Variants in NRG3 observed in about 807,000 individuals in gnomAD.
NRG3 encodes pro-neuregulin-3, membrane-bound isoform.
Under a neutral mutation model 66.9 loss-of-function variants are expected in NRG3, and 31 were observed. The observed-to-expected ratio is 0.46, with a 90% CI of 0.35 to 0.63. The LOEUF (loss-of-function observed/expected upper bound fraction) is 0.63. Among genes scored for constraint, NRG3 ranks in the 20% least tolerant of loss-of-function variants. NRG3 has a pLI of 0.00. For synonymous variants in NRG3, 393 were observed against 359.4 expected (o/e 1.09, Z -1.06); for missense variants, 910 against 878.9 (o/e 1.04, Z -0.45).
intron 1 of NRG3, among the ~76,000 whole-genome samples, chr10:82,241,059 A>T (rs1237641618): frequency 6.6e-6 from 1 of 152,174 alleles, no homozygotes; most frequent in African/African-American, 2.4e-5. Flanking sequence ...GGGAGAAAAT[A>T]AGAAACCTGC....
intron 1 of NRG3, among the ~76,000 whole-genome samples, chr10:81,966,418 G>T (rs1355445274): frequency 6.6e-6 from 1 of 151,658 alleles, no homozygotes; most frequent in African/African-American, 2.4e-5. Context: ...TAGTATCAGG[G>T]TTAACTGGCT....
intron 3 of NRG3, chr10:82,859,271 G>C (rs1041295143): frequency 2.6e-5 from 4 of 152,154 alleles, no homozygotes; most frequent in East Asian, 1.9e-4. Flanking sequence ...TTAAAACACA[G>C]ATCAATATTT....
intron 2 of NRG3, among the ~76,000 whole-genome samples, chr10:82,493,886 T>C (rs1843383723): frequency 6.6e-6 from 1 of 152,092 alleles, no homozygotes; most frequent in African/African-American, 2.4e-5. Flanking sequence ...ACACGGAACT[T>C]AAACTTACAA....
chr10:82,862,665 T>A (rs575526413), intron 3 of NRG3, among the ~76,000 whole-genome samples: 1 of 152,080 alleles, frequency 6.6e-6, no homozygotes, highest in East Asian at 1.9e-4. Flanking sequence ...CAAGTAAGAG[T>A]AGACAAACAA....
chr10:82,226,665 T>C (rs1166012660), intron 1 of NRG3, among the ~76,000 whole-genome samples: 1 of 152,190 alleles, frequency 6.6e-6, no homozygotes, highest in African/African-American at 2.4e-5. Flanking sequence ...GCTATATGTT[T>C]GAATCCATCT....
At chr10:82,038,417 TTTA>T (rs2062887253) in intron 1 of NRG3, among the ~76,000 whole-genome samples, 1 of 152,154 alleles carries the variant, frequency 6.6e-6, no homozygotes, top group South Asian at 2.1e-4. Flanking sequence ...GATGGTCATT[TTTA>T]CCATTTTACC....
chr10:82,897,947 G>A (rs1040330999), intron 4 of NRG3, among the ~76,000 whole-genome samples: 4 of 152,224 alleles, frequency 2.6e-5, no homozygotes, highest in Non-Finnish European at 4.4e-5. Flanking sequence ...ATTAATATAT[G>A]TTCACTTAGC....
At chr10:82,390,437 G>C (rs955516845) in intron 2 of NRG3, among the ~76,000 whole-genome samples, 1 of 152,134 alleles carries the variant, frequency 6.6e-6, no homozygotes, top group Non-Finnish European at 1.5e-5. Flanking sequence ...GGAAATTTGA[G>C]TAAATCTTGA....
intron 1 of NRG3, among the ~76,000 whole-genome samples, chr10:82,043,692 A>G (rs1190193899): frequency 6.6e-6 from 1 of 151,950 alleles, no homozygotes; most frequent in Non-Finnish European, 1.5e-5. Flanking sequence ...GCTTTATATT[A>G]TATATTTTTG....
intron 2 of NRG3, among the ~76,000 whole-genome samples, chr10:82,573,825 G>A (rs2045882728): frequency 6.6e-6 from 1 of 151,734 alleles, no homozygotes; most frequent in African/African-American, 2.4e-5. Context: ...CTGGGAGAAG[G>A]GACTGGAGAA....
At chr10:82,566,022 G>T (rs2045381968) in intron 2 of NRG3, among the ~76,000 whole-genome samples, 1 of 151,928 alleles carries the variant, frequency 6.6e-6, no homozygotes, top group Non-Finnish European at 1.5e-5. Flanking sequence ...TAGTGACTTA[G>T]TTTCGTCTTC....
At chr10:82,682,058 C>G (rs113060052) in intron 2 of NRG3, among the ~76,000 whole-genome samples, 78 of 152,324 alleles carry the variant, frequency 5.1e-4, no homozygotes, top group African/African-American at 1.9e-3. Context: ...AGAGGCTGCT[C>G]TGTCTGCCAA....
Position 81,981,401 on chromosome 10 carries a change from A to G in NRG3, c.823+105238A>G, listed in dbSNP as rs575960045. 1.1e-4 allele frequency among the ~76,000 whole-genome samples: 17 copies of G among 152,356 alleles called. No homozygotes were observed. In the South Asian group the frequency reaches 3.5e-3, roughly 32 times the overall value. ...TGTAACAGACTAAATTCTATTAGAT[A>G]TTAAGGCTCAGTAGTAATCCTGTTT... On this transcript the variant is annotated intron_variant, in intron 1 of 8. Transcript: ENST00000372141.
At chr10:82,294,596 A>G (rs1405771604) in intron 1 of NRG3, among the ~76,000 whole-genome samples, 1 of 152,158 alleles carries the variant, frequency 6.6e-6, no homozygotes, top group Non-Finnish European at 1.5e-5. Flanking sequence ...ACATATAAAG[A>G]CAATGCACTT....
intron 1 of NRG3, among the ~76,000 whole-genome samples, chr10:82,223,928 C>T (rs530492671): frequency 1.3e-5 from 2 of 152,124 alleles, no homozygotes; most frequent in African/African-American, 4.8e-5. Context: ...GTAAGAGATA[C>T]AAAGTGAGTC....
intron 2 of NRG3, among the ~76,000 whole-genome samples, chr10:82,583,093 TG>T (rs2046458708): frequency 6.6e-6 from 1 of 152,268 alleles, no homozygotes; most frequent in East Asian, 1.9e-4. Flanking sequence ...ATGGTTTTAA[TG>T]GGAATTTGTG....
At chr10:82,172,681 C>T (rs1419843532) in intron 1 of NRG3, among the ~76,000 whole-genome samples, 1 of 152,054 alleles carries the variant, frequency 6.6e-6, no homozygotes, top group Non-Finnish European at 1.5e-5. Context: ...TATCTCCATG[C>T]CTGGGGTCAT....
chr10:81,938,765 A>G (rs1358240907), intron 1 of NRG3, among the ~76,000 whole-genome samples: 2 of 151,776 alleles, frequency 1.3e-5, no homozygotes, highest in African/African-American at 4.8e-5. Flanking sequence ...TTTCTTGTCT[A>G]ATTGCTCTGG....
chr10:82,446,403 A>G (rs1016532073), intron 2 of NRG3, among the ~76,000 whole-genome samples: 3 of 152,338 alleles, frequency 2.0e-5, no homozygotes, highest in Non-Finnish European at 4.4e-5. Flanking sequence ...CATCAATGAT[A>G]GACTGGATAA....
Sources: allele counts gnomAD v4.1 joint callset (sites outside exome capture counted in the v4.1 genomes callset), GRCh38; gene constraint gnomAD v4.1.1; transcripts MANE v1.5; gene names NCBI Gene and HGNC (gene_info 2026-07-23, HGNC 2026-07-21).